RELN: variants seen among roughly 807,000 people sequenced by gnomAD.
The protein encoded by RELN is reelin.
A neutral mutation model predicts 427.6 loss-of-function variants in RELN; 108 were observed. The ratio of observed to expected loss-of-function variants is 0.25; its 90% CI spans 0.22 to 0.30. The LOEUF (loss-of-function observed/expected upper bound fraction) is 0.30. Among genes scored for constraint, RELN ranks in the 10% least tolerant of loss-of-function variants. The pLI is 1.00. For missense variants in RELN, 3,715 were observed against 4,302.8 expected (o/e 0.86, Z 3.82); for synonymous variants, 1,524 against 1,513.4 (o/e 1.01, Z -0.16).
At chr7:103,972,919 T>TGTGTGTGTGC (rs749802741) in intron 1 of RELN, among the ~76,000 whole-genome samples, 10 of 151,870 alleles carry the variant, frequency 6.6e-5, no homozygotes, top group Admixed American at 1.3e-4. Context: ...TGTGTGTGTG[T>TGTGTGTGTGC]GCTACAAGAT....
At chr7:103,818,500 CT>C (rs1287020574) in intron 3 of RELN, among the ~76,000 whole-genome samples, 1 of 152,130 alleles carries the variant, frequency 6.6e-6, no homozygotes, top group Non-Finnish European at 1.5e-5. Context: ...TACTATTAGT[CT>C]TTGTGATACT....
At chr7:103,933,291 T>C (rs1795904111) in intron 1 of RELN, among the ~76,000 whole-genome samples, 1 of 152,164 alleles carries the variant, frequency 6.6e-6, no homozygotes, top group Non-Finnish European at 1.5e-5. Context: ...ATTTGATGTT[T>C]ACTAATTACC....
At position 103,831,223 on chromosome 7, in the gene RELN, T is replaced by C. The variant is rs142424769; in HGVS notation, c.473+2314A>G. ...TTTTGTTTTAAATTAAGAAGTTATG[T>C]ATGGCAAGAATTCGATTCATCCTTG... On this transcript the variant is annotated intron_variant, in intron 3 of 64. Coordinates refer to ENST00000428762, the MANE Select transcript of RELN (RefSeq NM_005045.4). Among the ~76,000 whole-genome samples, 66 of 152,230 alleles carry C rather than the reference T, an allele frequency of 4.3e-4. 3 individuals carry two copies. Among genetic ancestry groups the C allele is most frequent in the African/African-American group, 1.5e-3 (63 of 41,562 alleles).
intron 10 of RELN, among the ~76,000 whole-genome samples, chr7:103,694,041 T>C (rs2106172): frequency 0.25 from 37,309 of 152,060 alleles, 6,855 homozygotes; most frequent in African/African-American, 0.51. Context: ...GCAAACAGTG[T>C]TTGGGCTGCA....
chr7:103,987,922 C>T (rs1021569159), intron 1 of RELN, among the ~76,000 whole-genome samples: 70 of 152,212 alleles, frequency 4.6e-4, no homozygotes, highest in African/African-American at 1.4e-3. Context: ...TTTATTTAGG[C>T]TAAATATTTT....
chr7:103,693,113 G>T (rs1281220942), intron 10 of RELN, among the ~76,000 whole-genome samples: 1 of 152,106 alleles, frequency 6.6e-6, no homozygotes. Context: ...ATCGATGATA[G>T]ACTGGATAAA....
intron 6 of RELN, among the ~76,000 whole-genome samples, chr7:103,744,765 A>C (rs1281770096): frequency 6.6e-6 from 1 of 151,534 alleles, no homozygotes; most frequent in Non-Finnish European, 1.5e-5. Context: ...AAATTGAGGA[A>C]ATAATCAATA....
intron 46 of RELN, among the ~76,000 whole-genome samples, chr7:103,531,924 G>A (rs998852962): frequency 2.6e-5 from 4 of 152,122 alleles, no homozygotes; most frequent in Non-Finnish European, 4.4e-5. Context: ...AACGGCATTC[G>A]ACCCAGCAAT....
chr7:103,740,772 T>C (rs1193820806), intron 6 of RELN, among the ~76,000 whole-genome samples: 9 of 152,218 alleles, frequency 5.9e-5, no homozygotes, highest in African/African-American at 9.6e-5. Flanking sequence ...CTCTCTAAGA[T>C]TGTACAGACA....
intron 1 of RELN, among the ~76,000 whole-genome samples, chr7:103,984,926 A>G (rs1797065312): frequency 1.3e-5 from 2 of 152,226 alleles, no homozygotes; most frequent in Admixed American, 1.3e-4. Flanking sequence ...TACGTCTGAC[A>G]TAAATATCAT....
chr7:103,473,087 A>G, intron 64 of RELN, 179 bp from the exon 65 acceptor site: 1 of 711,438 alleles, frequency 1.4e-6, no homozygotes, highest in East Asian at 2.7e-5. Flanking sequence ...AAAGGCTGGG[A>G]CCTATACTCA....
chr7:103,669,132 TTTCTCTCAATTAGG>T (rs1833335177), intron 11 of RELN, among the ~76,000 whole-genome samples: 1 of 152,180 alleles, frequency 6.6e-6, no homozygotes, highest in Non-Finnish European at 1.5e-5. Flanking sequence ...TATCCATTTT[TTTCTCTCAATTAGG>T]TTTTATTTCT....
intron 4 of RELN, among the ~76,000 whole-genome samples, chr7:103,755,001 A>G (rs1326092869): frequency 6.6e-6 from 1 of 152,140 alleles, no homozygotes; most frequent in Non-Finnish European, 1.5e-5. Context: ...TGTGCTAAGG[A>G]GTGTCTATAG....
chr7:103,540,581 T>C, intron 43 of RELN, 126 bp from the exon 44 acceptor site: 2 of 801,844 alleles, frequency 2.5e-6, no homozygotes, highest in Non-Finnish European at 4.1e-6. Context: ...ATTTAATGAG[T>C]GTCCAAAGCA....
intron 12 of RELN, 145 bp downstream of exon 12, chr7:103,661,231 C>A: frequency 1.1e-6 from 1 of 892,714 alleles, no homozygotes. Flanking sequence ...GGGGGAGTAC[C>A]ACAGGCTTCT....
intron 9 of RELN, among the ~76,000 whole-genome samples, chr7:103,698,671 C>G (rs990490160): frequency 1.3e-5 from 2 of 151,976 alleles, no homozygotes; most frequent in African/African-American, 4.8e-5. Flanking sequence ...CATCACCATG[C>G]CCAGCTAATT....
At chr7:103,725,396 T>C (rs933023699) in intron 7 of RELN, among the ~76,000 whole-genome samples, 71 of 151,936 alleles carry the variant, frequency 4.7e-4, no homozygotes, top group African/African-American at 1.7e-3. Context: ...CTACAAACAA[T>C]TTAAAAAAAT....
At chr7:103,832,718 T>C (rs1793304708) in intron 3 of RELN, among the ~76,000 whole-genome samples, 1 of 152,112 alleles carries the variant, frequency 6.6e-6, no homozygotes, top group Admixed American at 6.6e-5. Flanking sequence ...GAGAACACTG[T>C]TCAGAACATC....
rs1830755623 is a variant in RELN, at chr7:103,566,530, A to G, written c.4747+71T>C. On this transcript the variant is annotated intron_variant, in intron 32 of 64. Transcript: ENST00000428762. ...AAATTGACAGCAAATTAAGAAACAC[A>G]CAGTGCAAGGTGGGTATGGATACTT... is the stretch of plus-strand genomic sequence containing the variant. 3 of 1,596,822 alleles carry G rather than the reference A, an allele frequency of 1.9e-6. No homozygotes were observed. The East Asian group carries it at 6.7e-5, about 36-fold the overall frequency.
Sources: allele counts gnomAD v4.1 joint callset (sites outside exome capture counted in the v4.1 genomes callset), GRCh38; gene constraint gnomAD v4.1.1; transcripts MANE v1.5; gene names NCBI Gene and HGNC (gene_info 2026-07-23, HGNC 2026-07-21).